The following LARGE1 variants were observed in gnomAD, a reference collection of about 807,000 sequenced individuals.
The protein encoded by LARGE1 is xylosyl- and glucuronyltransferase LARGE1.
Under a neutral mutation model 87.6 loss-of-function variants are expected in LARGE1, and 43 were observed. The ratio of observed to expected loss-of-function variants is 0.49; its 90% CI spans 0.38 to 0.63. The LOEUF is 0.63. Ranked by LOEUF, LARGE1 falls within the 30% of genes least tolerant of loss-of-function variation. LARGE1 has a pLI of 0.00. For synonymous variants in LARGE1, 434 were observed against 394.6 expected (o/e 1.10, Z -1.18); for missense variants, 802 against 1,000.2 (o/e 0.80, Z 2.67).
intron 2 of LARGE1, among the ~76,000 whole-genome samples, chr22:33,757,542 GCT>G (rs1403985264): frequency 6.6e-6 from 1 of 152,098 alleles, no homozygotes; most frequent in Non-Finnish European, 1.5e-5. Flanking sequence ...CCCCTCCAGG[GCT>G]CTCTCAATAT....
intron 9 of LARGE1, among the ~76,000 whole-genome samples, chr22:33,341,019 G>A (rs1375567985): frequency 6.7e-6 from 1 of 148,688 alleles, no homozygotes; most frequent in Non-Finnish European, 1.5e-5. Flanking sequence ...CCTCCTGTGG[G>A]GGTTGAACAG....
At chr22:33,500,957 T>G (rs1362302236) in intron 6 of LARGE1, among the ~76,000 whole-genome samples, 1 of 152,016 alleles carries the variant, frequency 6.6e-6, no homozygotes, top group East Asian at 1.9e-4. Flanking sequence ...GAGGGACAAC[T>G]ATCATTATGA....
intron 5 of LARGE1, among the ~76,000 whole-genome samples, chr22:33,577,413 C>T (rs1322287153): frequency 6.6e-6 from 1 of 152,250 alleles, no homozygotes. Context: ...TTAGCCTCTG[C>T]TGAATCCAAC....
intron 1 of LARGE1, among the ~76,000 whole-genome samples, chr22:33,798,448 A>G (rs1458406685): frequency 6.6e-6 from 1 of 152,208 alleles, no homozygotes; most frequent in Non-Finnish European, 1.5e-5. Context: ...TGTACAAGTT[A>G]AAAAGGAACA....
intron 2 of LARGE1, among the ~76,000 whole-genome samples, chr22:33,707,664 T>C (rs959706067): frequency 6.6e-6 from 1 of 152,200 alleles, no homozygotes; most frequent in Non-Finnish European, 1.5e-5. Flanking sequence ...AATTCTCCAT[T>C]TGGCCCTGTC....
chr22:33,814,053 G>C (rs1359202067), intron 1 of LARGE1, among the ~76,000 whole-genome samples: 1 of 152,160 alleles, frequency 6.6e-6, no homozygotes, highest in Non-Finnish European at 1.5e-5. Context: ...GGGGAAGAAA[G>C]ACATGCTGAG....
At chr22:33,296,277 TTGAACA>T (rs1221375864) in intron 12 of LARGE1, among the ~76,000 whole-genome samples, 1 of 152,226 alleles carries the variant, frequency 6.6e-6, no homozygotes, top group Non-Finnish European at 1.5e-5. Context: ...GCTCATACTC[TTGAACA>T]CGTTACAACT....
At chr22:33,776,484 A>G (rs1261829820) in intron 1 of LARGE1, among the ~76,000 whole-genome samples, 4 of 152,214 alleles carry the variant, frequency 2.6e-5, no homozygotes, top group Admixed American at 2.6e-4. Context: ...AGGTCAGACT[A>G]CAGCTTCAAG....
At chr22:33,798,389 A>C (rs1466910299) in intron 1 of LARGE1, among the ~76,000 whole-genome samples, 1 of 152,218 alleles carries the variant, frequency 6.6e-6, no homozygotes. Context: ...ACACATGCAC[A>C]TACTCTGCAT....
intron 6 of LARGE1, among the ~76,000 whole-genome samples, chr22:33,481,122 T>C (rs2069302821): frequency 1.3e-5 from 2 of 151,766 alleles, no homozygotes; most frequent in Non-Finnish European, 2.9e-5. Flanking sequence ...TACTTTAAAA[T>C]TGCCCTGCAA....
chr22:33,766,512 G>A (rs1243737586), intron 1 of LARGE1, among the ~76,000 whole-genome samples: 5 of 152,222 alleles, frequency 3.3e-5, no homozygotes, highest in Admixed American at 1.3e-4. Flanking sequence ...TGCAACCTCC[G>A]CCTCCCGGGT....
At chr22:33,383,283 G>A (rs978792450) in intron 8 of LARGE1, among the ~76,000 whole-genome samples, 1 of 152,176 alleles carries the variant, frequency 6.6e-6, no homozygotes, top group Non-Finnish European at 1.5e-5. Context: ...TTGTTGGCTG[G>A]GTGCAGAGAC....
At chr22:33,818,942 A>C (rs1005805652) in intron 1 of LARGE1, among the ~76,000 whole-genome samples, 2 of 152,184 alleles carry the variant, frequency 1.3e-5, no homozygotes, top group Non-Finnish European at 2.9e-5. Flanking sequence ...GATTCTGATT[A>C]GGGCTGCAGG....
chr22:33,545,255 T>C (rs921551561), intron 6 of LARGE1, among the ~76,000 whole-genome samples: 2 of 140,112 alleles, frequency 1.4e-5, no homozygotes, highest in Non-Finnish European at 3.0e-5. Flanking sequence ...CACCTATGTC[T>C]TTCCTTTTCT....
chr22:33,859,191 A>T (rs577063930), intron 1 of LARGE1, among the ~76,000 whole-genome samples: 4 of 152,246 alleles, frequency 2.6e-5, no homozygotes, highest in Middle Eastern at 3.4e-3. Flanking sequence ...AAGTATAATT[A>T]AAAAAAATAA....
chr22:33,104,927 C>CTTTCTTTCTT, the LARGE1 span, among the ~76,000 whole-genome samples: 11 of 143,432 alleles, frequency 7.7e-5, no homozygotes, highest in Non-Finnish European at 1.2e-4. Flanking sequence ...TTCTTTCTTT[C>CTTTCTTTCTT]TTTCTTTCTT....
Position 33,811,942 on chromosome 22 carries a change from C to T in LARGE1, c.-82-50384G>A, listed in dbSNP as rs553070739. On this transcript the variant is annotated intron_variant, in intron 1 of 14. Coordinates refer to ENST00000397394, the MANE Select transcript of LARGE1 (RefSeq NM_133642.5). ...GACCAGAACACAGGAAATGGGCTGA[C>T]CCGGGCTTAGCGCTCAATTGCATGA... Among the ~76,000 whole-genome samples the T allele has an allele frequency of 5.1e-4, 78 of 152,236 alleles. No individual in the cohort carries two copies. In the Middle Eastern group the frequency reaches 0.014, roughly 27 times the overall value.
At chr22:33,865,188 C>T (rs1490564272) in intron 1 of LARGE1, among the ~76,000 whole-genome samples, 1 of 152,206 alleles carries the variant, frequency 6.6e-6, no homozygotes, top group Non-Finnish European at 1.5e-5. Flanking sequence ...AACCTACTCC[C>T]CTTCACCCAT....
intron 3 of LARGE1, among the ~76,000 whole-genome samples, chr22:33,626,645 T>C (rs547109437): frequency 6.6e-6 from 1 of 152,170 alleles, no homozygotes; most frequent in African/African-American, 2.4e-5. Flanking sequence ...TGACAATTGG[T>C]TAAACAGAGA....
Sources: allele counts gnomAD v4.1 joint callset (sites outside exome capture counted in the v4.1 genomes callset), GRCh38; gene constraint gnomAD v4.1.1; transcripts MANE v1.5; gene names NCBI Gene and HGNC (gene_info 2026-07-23, HGNC 2026-07-21).